Variants in NACC2 observed in about 807,000 individuals in gnomAD.
NACC2 encodes nucleus accumbens-associated protein 2.
In NACC2, 8 loss-of-function variants were observed where a neutral mutation model predicts 25.1. The ratio of observed to expected loss-of-function variants is 0.32; its 90% CI spans 0.19 to 0.57. The LOEUF is 0.57. Ranked by LOEUF, NACC2 falls within the 20% of genes least tolerant of loss-of-function variation. NACC2 has a pLI of 0.89. For missense variants in NACC2, 644 were observed against 650.2 expected (o/e 0.99, Z 0.10); for synonymous variants, 435 against 294.7 (o/e 1.48, Z -4.88).
chr9:136,029,865 C>CA lies in NACC2; in HGVS notation c.887-13437dup, dbSNP rs148719586. 0.013 allele frequency among the ~76,000 whole-genome samples: 2,055 copies of CA among 152,262 alleles called. 171 individuals carry two copies. The East Asian group carries it at 0.25, about 18-fold the overall frequency. ...TGCTGCTCTGTGCCTGGCTCACCCTCAGAGGTGTGGGATCCGGGCCGGTAG... is the reference window on the plus strand; with the variant it reads ...TGCTGCTCTGTGCCTGGCTCACCCTCAAGAGGTGTGGGATCCGGGCCGGTAG... On this transcript the variant is annotated intron_variant, in intron 2 of 5. Transcript: ENST00000277554.
At chr9:136,068,971 T>C (rs1195073969) in intron 1 of NACC2, among the ~76,000 whole-genome samples, 1 of 151,110 alleles carries the variant, frequency 6.6e-6, no homozygotes, top group African/African-American at 2.5e-5. Context: ...AGGCTGGAGT[T>C]TAATGGCACA....
intron 2 of NACC2, among the ~76,000 whole-genome samples, chr9:136,029,771 C>T (rs1183839838): frequency 2.0e-5 from 3 of 152,184 alleles, no homozygotes; most frequent in African/African-American, 7.2e-5. Flanking sequence ...AGCTGCCCAC[C>T]CCACTGCAGC....
intron 2 of NACC2, among the ~76,000 whole-genome samples, chr9:136,049,336 G>A (rs1029742363): frequency 1.3e-5 from 2 of 152,208 alleles, no homozygotes; most frequent in African/African-American, 4.8e-5. Context: ...GCCCTTCACA[G>A]ACGGGGAACG....
intron 2 of NACC2, among the ~76,000 whole-genome samples, chr9:136,025,668 C>T (rs989344731): frequency 8.6e-5 from 13 of 150,706 alleles, no homozygotes; most frequent in African/African-American, 2.9e-4. Flanking sequence ...AATCCCGGCA[C>T]TCTGGGAGGC....
Position 136,020,868 on chromosome 9 carries a change from T to C in NACC2, c.887-4439A>G, listed in dbSNP as rs1840281492. ...CGGAGGAGGCAGCAGCCTTCACAAA[T>C]GGGGCTTGAGCAACTGGCCATCCGC... On this transcript the variant is annotated intron_variant, in intron 2 of 5. Transcript: ENST00000277554. The surrounding 1 kb of genome is among the most constrained non-coding windows in gnomAD (Gnocchi z 4.7). Among the ~76,000 whole-genome samples, 2 of 152,080 alleles carry C rather than the reference T, an allele frequency of 1.3e-5. No individual in the cohort carries two copies. The highest frequency in any genetic ancestry group is 6.6e-5 in the Admixed American group (1 of 15,264).
At chr9:136,089,772 T>C (rs76082936) in intron 1 of NACC2, among the ~76,000 whole-genome samples, 1 of 118,470 alleles carries the variant, frequency 8.4e-6, no homozygotes, top group Non-Finnish European at 1.6e-5. Context: ...TCTTAAAAGC[T>C]TTTTTTTTTT....
chr9:136,091,552 C>T (rs896539625), intron 1 of NACC2, among the ~76,000 whole-genome samples: 1 of 152,218 alleles, frequency 6.6e-6, no homozygotes, highest in Admixed American at 6.5e-5. Flanking sequence ...AGTGCCGGTC[C>T]CGGAGTTCAT....
At chr9:136,077,616 G>A (rs755026968) in intron 1 of NACC2, among the ~76,000 whole-genome samples, 6 of 151,984 alleles carry the variant, frequency 3.9e-5, no homozygotes, top group Non-Finnish European at 7.4e-5. Context: ...GGAGGGAGGG[G>A]CAAGAGCCCA....
intron 2 of NACC2, among the ~76,000 whole-genome samples, chr9:136,040,989 G>A (rs1840618295): frequency 7.3e-6 from 1 of 137,474 alleles, no homozygotes; most frequent in East Asian, 2.1e-4. Context: ...GAAAAGGAAG[G>A]AAAGGAAGGA....
intron 2 of NACC2, 47 bp downstream of exon 2, chr9:136,049,589 C>CCCCGCTTCCCAGCCAGGT: frequency 2.7e-6 from 2 of 740,688 alleles, no homozygotes; most frequent in Non-Finnish European, 5.0e-6. Flanking sequence ...CCCAGGCAGG[C>CCCCGCTTCCCAGCCAGGT]CCCGCTTCCC....
In NACC2 at chr9:136,009,482, G is replaced by C. The variant is rs1048052265; in HGVS notation, c.*2034C>G. The C allele has an allele frequency of 2.6e-5, 4 of 152,310 alleles. No homozygotes were observed. Among genetic ancestry groups the C allele is most frequent in the African/African-American group, 9.6e-5 (4 of 41,460 alleles). 9.4% of individuals were successfully genotyped at this position (152,310 alleles called of 1,614,324 possible). ...CGTGGGCCCTGAGGAATGGGTGGAG[G>C]GGCCGAGGTTAGCGTCCACAGTGCC... On this transcript the variant is annotated 3_prime_UTR_variant, in exon 6 of 6. Coordinates refer to ENST00000277554, the MANE Select transcript of NACC2 (RefSeq NM_144653.5).
chr9:136,030,585 G>A (rs984699181), intron 2 of NACC2, among the ~76,000 whole-genome samples: 35 of 151,674 alleles, frequency 2.3e-4, no homozygotes, highest in African/African-American at 8.0e-4. Flanking sequence ...ACTCCAGCCT[G>A]GGCGACAGAG....
intron 1 of NACC2, among the ~76,000 whole-genome samples, chr9:136,053,883 G>C (rs1482229301): frequency 6.6e-6 from 1 of 151,296 alleles, no homozygotes; most frequent in East Asian, 1.9e-4. Context: ...AGCAGCCAGG[G>C]CTGACACAGA....
intron 1 of NACC2, among the ~76,000 whole-genome samples, chr9:136,053,162 G>A (rs1020558125): frequency 3.9e-5 from 6 of 152,212 alleles, no homozygotes; most frequent in Admixed American, 3.3e-4. Context: ...GAGGCAAGGC[G>A]ACACAGCCCT....
chr9:136,076,722 A>C (rs1830266381), intron 1 of NACC2, among the ~76,000 whole-genome samples: 1 of 152,188 alleles, frequency 6.6e-6, no homozygotes, highest in South Asian at 2.1e-4. Context: ...TTTTTAAAAA[A>C]TGTATTGGCC....
At chr9:136,073,078 G>A (rs1830217251) in intron 1 of NACC2, among the ~76,000 whole-genome samples, 1 of 152,094 alleles carries the variant, frequency 6.6e-6, no homozygotes, top group African/African-American at 2.4e-5. Context: ...GACACAGGCT[G>A]GTAGAAAAAA....
intron 3 of NACC2, among the ~76,000 whole-genome samples, chr9:136,015,266 G>A (rs1229805664): frequency 6.6e-6 from 1 of 152,242 alleles, no homozygotes; most frequent in East Asian, 1.9e-4. Context: ...GTGGGCACCT[G>A]CGCCCCAGAG....
intron 1 of NACC2, among the ~76,000 whole-genome samples, chr9:136,081,142 G>A (rs1830319491): frequency 6.6e-6 from 1 of 152,152 alleles, no homozygotes; most frequent in Non-Finnish European, 1.5e-5. Context: ...AGAGGAGGAA[G>A]CCCAGACCAA....
intron 1 of NACC2, among the ~76,000 whole-genome samples, chr9:136,089,896 G>T (rs1830417859): frequency 1.3e-5 from 2 of 151,692 alleles, no homozygotes; most frequent in South Asian, 4.2e-4. Flanking sequence ...ATGCCTAAAG[G>T]GTTTCAAAAG....
Sources: allele counts gnomAD v4.1 joint callset (sites outside exome capture counted in the v4.1 genomes callset), GRCh38; gene constraint gnomAD v4.1.1; non-coding constraint Gnocchi (gnomAD v3.1); transcripts MANE v1.5; gene names NCBI Gene and HGNC (gene_info 2026-07-23, HGNC 2026-07-21).